Variants in PDIA6 observed in about 807,000 individuals in gnomAD.
PDIA6 encodes protein disulfide isomerase family A member 6, also known as protein disulfide-isomerase A6.
In PDIA6, 29 loss-of-function variants were observed where a neutral mutation model predicts 58.4. The observed-to-expected ratio is 0.50, with a 90% CI of 0.37 to 0.68. PDIA6 has a LOEUF of 0.68. PDIA6 is among the 30% of genes least tolerant of loss of function. PDIA6 has a pLI of 0.00. For synonymous variants in PDIA6, 192 were observed against 202.6 expected (o/e 0.95, Z 0.44); for missense variants, 480 against 551.0 (o/e 0.87, Z 1.29).
upstream of PDIA6, chr2:10,832,497 G>C (rs1667736884): frequency 1.1e-6 from 1 of 935,738 alleles, no homozygotes; most frequent in Non-Finnish European, 1.3e-6. Flanking sequence ...AGTAGTGACA[G>C]GAAGTGACCG....
Position 10,797,163 on chromosome 2 carries a change from G to A in PDIA6, c.264C>T (p.Ser88=), listed in dbSNP as rs532860452. Residue 88 remains serine (S), a synonymous_variant, in exon 4 of 13, where the codon TCC becomes TCT. Coordinates refer to ENST00000272227, the MANE Select transcript of PDIA6 (RefSeq NM_005742.4). ...VGAVDADKHH[S]LGGQYGVQGF... ...CCTGAACACCATACTGACCTCCTAG[G>A]GAATGATGCTTATCTGCATCAACTG... 6.2e-7 allele frequency: 1 copy of A among 1,611,900 alleles called. No homozygotes were observed. The highest frequency in any genetic ancestry group is 8.5e-7 in the Non-Finnish European group (1 of 1,178,258).
chr2:10,828,580 G>A (rs143135888), intron 1 of PDIA6, among the ~76,000 whole-genome samples: 2 of 152,312 alleles, frequency 1.3e-5, no homozygotes, highest in Admixed American at 6.5e-5. Context: ...CAGCTGGGAC[G>A]AAGGGGCAGC....
At chr2:10,836,455 A>G (rs1260562652), upstream of PDIA6, among the ~76,000 whole-genome samples, 1 of 151,972 alleles carries the variant, frequency 6.6e-6, no homozygotes, top group Non-Finnish European at 1.5e-5. Context: ...TCAAGCAGTC[A>G]GCCCGCTGTG....
In PDIA6 at chr2:10,790,849, CGTTTT is replaced by C. The variant is rs747071044; in HGVS notation, c.585-21_585-17del. ...TGGCTCTAGGCTATAGAAAAATATT[CGTTTT>C]GTTTTGTTTCTTTGAGACACAGTCT... On this transcript the variant is annotated splice_polypyrimidine_tract_variant and intron_variant, in intron 6 of 12. Transcript: ENST00000272227. 1.3e-6 allele frequency: 2 copies of C among 1,592,964 alleles called. No homozygotes were observed. The highest frequency in any genetic ancestry group is 1.7e-6 in the Non-Finnish European group (2 of 1,161,618).
intron 1 of PDIA6, 64 bp downstream of exon 1, chr2:10,812,614 A>G: frequency 1.4e-6 from 2 of 1,443,550 alleles, no homozygotes; most frequent in East Asian, 3.0e-5. Flanking sequence ...GGAACGGCCT[A>G]GAGATTCGAA....
chr2:10,791,991 A>G, intron 5 of PDIA6, 66 bp from the exon 6 acceptor site: 1 of 1,493,462 alleles, frequency 6.7e-7, no homozygotes, highest in South Asian at 1.2e-5. Context: ...GTTTTAAATA[A>G]TAACACTACT....
At chr2:10,819,367 G>C (rs1667316769) in intron 1 of PDIA6, 1 of 1,456,500 alleles carries the variant, frequency 6.9e-7, no homozygotes, top group Non-Finnish European at 9.4e-7. Flanking sequence ...GAAAGTGAGA[G>C]AGAAGAGGAG....
chr2:10,785,312 CAAATT>C (rs1006333242), intron 11 of PDIA6, among the ~76,000 whole-genome samples: 46 of 152,304 alleles, frequency 3.0e-4, no homozygotes, highest in African/African-American at 1.1e-3. Context: ...TGCTGAAATA[CAAATT>C]AAATACATAA....
upstream of PDIA6, among the ~76,000 whole-genome samples, chr2:10,832,887 A>G (rs992560405): frequency 6.6e-6 from 1 of 152,070 alleles, no homozygotes; most frequent in Non-Finnish European, 1.5e-5. Context: ...CGGACGCAGA[A>G]AAGGCAAGGT....
chr2:10,789,676 G>T, intron 8 of PDIA6, 73 bp downstream of exon 8: 1 of 1,387,046 alleles, frequency 7.2e-7, no homozygotes, highest in Non-Finnish European at 1.0e-6. Context: ...TGAACAGTGT[G>T]TCACACTGCT....
chr2:10,821,811 A>T (rs1667403097), intron 1 of PDIA6, among the ~76,000 whole-genome samples: 1 of 151,932 alleles, frequency 6.6e-6, no homozygotes, highest in African/African-American at 2.4e-5. Flanking sequence ...TTTTGTAGAG[A>T]CAGGACCTCA....
At chr2:10,836,999 T>G (rs1667844062), upstream of PDIA6, among the ~76,000 whole-genome samples, 3 of 152,148 alleles carry the variant, frequency 2.0e-5, no homozygotes, top group Admixed American at 2.0e-4. Flanking sequence ...TCATGATGGT[T>G]AACAGTGATG....
chr2:10,797,392 C>T (rs1310423781), intron 3 of PDIA6, among the ~76,000 whole-genome samples, 185 bp from the exon 4 acceptor site: 1 of 152,212 alleles, frequency 6.6e-6, no homozygotes, highest in Non-Finnish European at 1.5e-5. Context: ...TGGGGGAAAT[C>T]AAAGCCCATG....
intron 7 of PDIA6, 39 bp downstream of exon 7, chr2:10,790,680 T>C (rs754112571): frequency 6.5e-6 from 9 of 1,384,300 alleles, no homozygotes; most frequent in East Asian, 2.3e-5. Flanking sequence ...CGAAACACCA[T>C]GTATTTCACA....
Position 10,790,108 on chromosome 2 carries a change from AGCTG to A in PDIA6, c.700-223_700-220del, listed in dbSNP as rs538155756. ...ATTCTCCTACTTCAGCCTCCTGAGT[AGCTG>A]GGACTGCAGGCACACACCACCACAC... On this transcript the variant is annotated intron_variant, in intron 7 of 12. Coordinates refer to ENST00000272227, the MANE Select transcript of PDIA6 (RefSeq NM_005742.4). 2.9e-3 allele frequency among the ~76,000 whole-genome samples: 447 copies of A among 151,882 alleles called. 2 individuals carry two copies. The highest frequency in any genetic ancestry group is 4.7e-3 in the Admixed American group (72 of 15,244).
upstream of PDIA6, among the ~76,000 whole-genome samples, chr2:10,834,913 C>T (rs1012134640): frequency 1.6e-4 from 24 of 151,888 alleles, no homozygotes; most frequent in Non-Finnish European, 2.8e-4. Flanking sequence ...ATTACAGGCA[C>T]GCACCACCAT....
upstream of PDIA6, among the ~76,000 whole-genome samples, chr2:10,834,296 C>T (rs1031753707): frequency 3.3e-5 from 5 of 152,264 alleles, no homozygotes; most frequent in African/African-American, 9.6e-5. Flanking sequence ...ATGTGGGCCA[C>T]GGATGCTGCC....
intron 1 of PDIA6, among the ~76,000 whole-genome samples, chr2:10,819,689 A>T (rs1667324765): frequency 6.6e-6 from 1 of 152,212 alleles, no homozygotes; most frequent in South Asian, 2.1e-4. Flanking sequence ...ATCATTTCCA[A>T]GGAAAGAGGA....
chr2:10,793,758 A>G (rs1040976671), intron 4 of PDIA6, among the ~76,000 whole-genome samples: 6 of 152,352 alleles, frequency 3.9e-5, no homozygotes, highest in Non-Finnish European at 8.8e-5. Context: ...TTTACCGAAC[A>G]TGAACATGGA....
Sources: allele counts gnomAD v4.1 joint callset (sites outside exome capture counted in the v4.1 genomes callset), GRCh38; gene constraint gnomAD v4.1.1; transcripts MANE v1.5; gene names NCBI Gene and HGNC (gene_info 2026-07-23, HGNC 2026-07-21).